Variants in ADAMTS19 observed in about 807,000 individuals in gnomAD.
ADAMTS19 encodes the protein A disintegrin and metalloproteinase with thrombospondin motifs 19.
In ADAMTS19, 93 loss-of-function variants were observed where a neutral mutation model predicts 153.3. The ratio of observed to expected loss-of-function variants is 0.61; its 90% CI spans 0.51 to 0.72. The LOEUF is 0.72. Ranked by LOEUF, ADAMTS19 falls within the 30% of genes least tolerant of loss-of-function variation. The pLI, the probability that ADAMTS19 is intolerant of heterozygous loss-of-function variation, is 0.00. For missense variants in ADAMTS19, 1,482 were observed against 1,552.1 expected, an observed-to-expected ratio of 0.95 and a Z score of 0.76; for synonymous variants, 600 against 556.6, an observed-to-expected ratio of 1.08 and a Z score of -1.10.
At chr5:129,475,952 A>C (rs1458695848) in intron 2 of ADAMTS19, among the ~76,000 whole-genome samples, 1 of 152,254 alleles carries the variant, frequency 6.6e-6, no homozygotes, top group Non-Finnish European at 1.5e-5. Flanking sequence ...GTTTAAGCTT[A>C]ATCTGAAATT....
Position 129,551,924 on chromosome 5 carries a change from TCA to T in ADAMTS19, c.1372+21_1372+22del, listed in dbSNP as rs748662284. On this transcript the variant is annotated intron_variant, in intron 7 of 22. Transcript: ENST00000274487. ...ATACTGTTGGTAAGTGTGAAAATTCTCACACTTTTGGAGTTCTGGAGAACTTG... is the reference window on the plus strand; with the variant it reads ...ATACTGTTGGTAAGTGTGAAAATTCTCACTTTTGGAGTTCTGGAGAACTTG... 1.5e-4 allele frequency: 232 copies of T among 1,547,320 alleles called. No individual in the cohort carries two copies. The highest frequency in any genetic ancestry group is 1.9e-4 in the Non-Finnish European group (220 of 1,145,864).
intron 16 of ADAMTS19, among the ~76,000 whole-genome samples, chr5:129,678,928 T>C (rs1754671164): frequency 6.6e-6 from 1 of 152,212 alleles, no homozygotes; most frequent in Non-Finnish European, 1.5e-5. Flanking sequence ...AATCCTCATG[T>C]ACATGTCTTT....
chr5:129,663,204 A>G (rs10062519), intron 15 of ADAMTS19, among the ~76,000 whole-genome samples: 17,577 of 151,972 alleles, frequency 0.12, 1,202 homozygotes, highest in African/African-American at 0.19. Context: ...CCATTCCTTT[A>G]TCTTTTTTCC....
chr5:129,686,381 G>GTTAAAAAA (rs1755093476), intron 18 of ADAMTS19, among the ~76,000 whole-genome samples: 1 of 152,084 alleles, frequency 6.6e-6, no homozygotes, highest in Non-Finnish European at 1.5e-5. Context: ...GTCTTGAGGG[G>GTTAAAAAA]TTAAAGAATT....
intron 6 of ADAMTS19, among the ~76,000 whole-genome samples, chr5:129,547,932 T>C (rs373971468): frequency 4.0e-5 from 6 of 150,100 alleles, no homozygotes; most frequent in African/African-American, 7.5e-5. Context: ...GGAAAGGATT[T>C]CCTATTTAAT....
chr5:129,658,110 C>T (rs903119754), intron 14 of ADAMTS19, among the ~76,000 whole-genome samples: 17 of 151,832 alleles, frequency 1.1e-4, no homozygotes, highest in African/African-American at 4.1e-4. Flanking sequence ...CATGGTGAAA[C>T]CTTGTCTCAA....
intron 7 of ADAMTS19, among the ~76,000 whole-genome samples, chr5:129,560,703 T>C (rs1753476443): frequency 6.6e-6 from 1 of 152,256 alleles, no homozygotes; most frequent in African/African-American, 2.4e-5. Context: ...TTTTAAGTAC[T>C]ACTGTACTTT....
chr5:129,622,344 T>C lies in ADAMTS19; in HGVS notation c.1766T>C (p.Met589Thr). 2.5e-6 allele frequency: 4 copies of C among 1,614,016 alleles called. No individual in the cohort carries two copies. Among genetic ancestry groups the C allele is most frequent in the Non-Finnish European group, 3.4e-6 (4 of 1,179,952 alleles). ...CCATTGGCTTCTTTTTGTCAGGAGATGCAGGTAAAGATCCAGGTGGGGATT... is the reference window on the plus strand; with the variant it reads ...CCATTGGCTTCTTTTTGTCAGGAGACGCAGGTAAAGATCCAGGTGGGGATT... ...FGPLASFCQE[M>T]QHVICTGLWC... Residue 589 changes from methionine to threonine, a missense_variant, in exon 10 of 23, where the codon ATG becomes ACG. Transcript: ENST00000274487.
intron 7 of ADAMTS19, among the ~76,000 whole-genome samples, chr5:129,590,920 A>G (rs1750102623): frequency 6.6e-6 from 1 of 152,212 alleles, no homozygotes; most frequent in Non-Finnish European, 1.5e-5. Flanking sequence ...TCTTTGTTTC[A>G]GACAATTTCA....
At chr5:129,494,530 C>A (rs1259628683) in intron 2 of ADAMTS19, among the ~76,000 whole-genome samples, 1 of 152,168 alleles carries the variant, frequency 6.6e-6, no homozygotes, top group Non-Finnish European at 1.5e-5. Flanking sequence ...TGAATGCCAA[C>A]TATCTGCCAA....
chr5:129,486,617 A>G (rs947667270), intron 2 of ADAMTS19, among the ~76,000 whole-genome samples: 11 of 152,158 alleles, frequency 7.2e-5, no homozygotes, highest in Non-Finnish European at 1.6e-4. Context: ...CAAAAAACCC[A>G]TGGTTAACAT....
In ADAMTS19 at chr5:129,606,519, G is replaced by A. The variant is rs537618496; in HGVS notation, c.1478+9855G>A. On this transcript the variant is annotated intron_variant, in intron 8 of 22. Transcript: ENST00000274487. ...TTGCAGTATCCACTTAACTGGTGTC[G>A]TCTCCTTTGCTACCTCATCTTTCTA... Among the ~76,000 whole-genome samples the A allele has an allele frequency of 2.8e-4, 43 of 152,250 alleles. 1 individual carries two copies. Among genetic ancestry groups the A allele is most frequent in the Admixed American group, 9.2e-4 (14 of 15,282 alleles).
chr5:129,624,130 A>G (rs1393681547), intron 10 of ADAMTS19, among the ~76,000 whole-genome samples: 20 of 141,650 alleles, frequency 1.4e-4, no homozygotes, highest in Non-Finnish European at 2.4e-4. Context: ...CAGTCTCAAA[A>G]AAAAAAAAAA....
At chr5:129,611,733 G>GC in intron 8 of ADAMTS19, among the ~76,000 whole-genome samples, 1 of 152,170 alleles carries the variant, frequency 6.6e-6, no homozygotes, top group East Asian at 1.9e-4. Flanking sequence ...GATGCCTCCA[G>GC]CTGTGTTTCT....
At chr5:129,577,851 T>C (rs531403663) in intron 7 of ADAMTS19, among the ~76,000 whole-genome samples, 1 of 152,230 alleles carries the variant, frequency 6.6e-6, no homozygotes, top group South Asian at 2.1e-4. Flanking sequence ...GCTGGTAATT[T>C]GTATTTATCT....
chr5:129,616,949 T>C (rs906966213), intron 8 of ADAMTS19, among the ~76,000 whole-genome samples: 1 of 152,072 alleles, frequency 6.6e-6, no homozygotes, highest in Non-Finnish European at 1.5e-5. Context: ...GGTTCATCTG[T>C]GTGAGCATCA....
chr5:129,589,494 GTA>G (rs1749991483), intron 7 of ADAMTS19, among the ~76,000 whole-genome samples: 1 of 151,848 alleles, frequency 6.6e-6, no homozygotes, highest in African/African-American at 2.4e-5. Flanking sequence ...ATACATTTGT[GTA>G]TTTACTTGAA....
intron 18 of ADAMTS19, chr5:129,688,337 C>T (rs1755180346): frequency 6.6e-6 from 1 of 152,098 alleles, no homozygotes; most frequent in Non-Finnish European, 1.5e-5. Flanking sequence ...TAAAGTATCA[C>T]AGGGCAGTAT....
intron 5 of ADAMTS19, 69 bp downstream of exon 5, chr5:129,527,900 AG>A (rs1457269188): frequency 1.0e-6 from 1 of 997,072 alleles, no homozygotes; most frequent in Non-Finnish European, 1.6e-6. Context: ...TTTTAAGTAA[AG>A]GGAATGTTAA....
Sources: allele counts gnomAD v4.1 joint callset (sites outside exome capture counted in the v4.1 genomes callset), GRCh38; gene constraint gnomAD v4.1.1; transcripts MANE v1.5; gene names NCBI Gene and HGNC (gene_info 2026-07-23, HGNC 2026-07-21).